NLGN4Y: variants seen among roughly 807,000 people sequenced by gnomAD.
NLGN4Y encodes the protein neuroligin-4, Y-linked.
NLGN4Y carries 4 observed loss-of-function variants against 8.4 expected under a neutral mutation model. The ratio of observed to expected loss-of-function variants is 0.48; its 90% CI spans 0.23 to 1.09. The LOEUF (loss-of-function observed/expected upper bound fraction) is 1.09, where lower values mean the gene tolerates loss of function less well. Ranked by LOEUF, NLGN4Y falls within the 50% of genes least tolerant of loss-of-function variation. The pLI is 0.19. For missense variants in NLGN4Y, 90 were observed against 192.3 expected (o/e 0.47, Z 3.15); for synonymous variants, 35 against 75.6 (o/e 0.46, Z 2.78).
At chrY:14,578,198 C>T in intron 1 of NLGN4Y, among the ~76,000 whole-genome samples, 2 of 31,551 alleles carry the variant, frequency 6.3e-5, no homozygotes, top group African/African-American at 2.5e-4. Flanking sequence ...ACATTCTGCC[C>T]ATGTACCCCA....
At chrY:14,697,205 G>A in intron 2 of NLGN4Y, among the ~76,000 whole-genome samples, 1 of 19,865 alleles carries the variant, frequency 5.0e-5, no homozygotes, top group Non-Finnish European at 1.2e-4. Flanking sequence ...AGGTAGGTAG[G>A]CAGATAGATA....
chrY:14,733,514 A>T, intron 4 of NLGN4Y: 1 of 349,637 alleles, frequency 2.9e-6, no homozygotes, highest in Non-Finnish European at 4.0e-6. Flanking sequence ...ATCTCCTTTC[A>T]CTAATTTAAT....
chrY:14,559,195 T>A, intron 1 of NLGN4Y, among the ~76,000 whole-genome samples: 1 of 33,384 alleles, frequency 3.0e-5, no homozygotes, highest in African/African-American at 1.2e-4. Flanking sequence ...CACATCAAGA[T>A]GAGCAAAAGA....
intron 1 of NLGN4Y, among the ~76,000 whole-genome samples, chrY:14,583,184 C>T: frequency 3.0e-5 from 1 of 33,256 alleles, no homozygotes; most frequent in African/African-American, 1.2e-4. Flanking sequence ...TGGAAATAGC[C>T]AAGAAACCCA....
intron 4 of NLGN4Y, among the ~76,000 whole-genome samples, chrY:14,800,326 C>A: frequency 3.0e-5 from 1 of 33,075 alleles, no homozygotes; most frequent in African/African-American, 1.2e-4. Context: ...TCTTTTTATG[C>A]TATCATTAAG....
chrY:14,812,476 A>G (rs2043084913), intron 4 of NLGN4Y, among the ~76,000 whole-genome samples: 1 of 33,264 alleles, frequency 3.0e-5, no homozygotes, highest in Non-Finnish European at 7.4e-5. Context: ...TTTTAGGGAG[A>G]GTAAAACTTA....
chrY:14,815,004 T>C (rs749194424), intron 4 of NLGN4Y, among the ~76,000 whole-genome samples: 2 of 32,713 alleles, frequency 6.1e-5, no homozygotes, highest in South Asian at 1.4e-3. Context: ...AATGTCAGTG[T>C]TGGGACTTAG....
intron 1 of NLGN4Y, among the ~76,000 whole-genome samples, chrY:14,575,672 TAG>T (rs2080295085): frequency 2.9e-5 from 1 of 33,927 alleles, no homozygotes; most frequent in Non-Finnish European, 7.3e-5. Context: ...CTCTGATTTT[TAG>T]AGTTTCCTGT....
chrY:14,806,016 CCTGTAGTGCCAGCTA>C (rs2043055443), intron 4 of NLGN4Y, among the ~76,000 whole-genome samples: 1 of 33,256 alleles, frequency 3.0e-5, no homozygotes, highest in African/African-American at 1.2e-4. Flanking sequence ...GTGGCAGGCG[CCTGTAGTGCCAGCTA>C]CTCAGGAGAC....
intron 2 of NLGN4Y, among the ~76,000 whole-genome samples, chrY:14,647,340 C>A: frequency 3.0e-5 from 1 of 33,404 alleles, no homozygotes; most frequent in Non-Finnish European, 7.4e-5. Context: ...AGATAGGAGA[C>A]CTTTGTCTCA....
At chrY:14,791,941 G>C (rs1040576879) in intron 4 of NLGN4Y, among the ~76,000 whole-genome samples, 5 of 33,352 alleles carry the variant, frequency 1.5e-4, no homozygotes, top group Non-Finnish European at 3.0e-4. Flanking sequence ...GGACACCACA[G>C]ACTTGAAGAA....
rs2150571393 is a variant in NLGN4Y at position 14,764,374 on chromosome Y, C to T, written c.685+41105C>T. Among the ~76,000 whole-genome samples, 3 of 33,443 alleles carry T rather than the reference C, an allele frequency of 9.0e-5. No individual in the cohort carries two copies. The South Asian group carries it at 2.0e-3, about 23-fold the overall frequency. The allele number at this position is 33,443 out of a possible 37,273, so 89.7% of individuals were successfully genotyped here. On this transcript the variant is annotated intron_variant, in intron 4 of 6. Transcript: ENST00000684976. ...CCTGAGCTCTCATTAGAATCACCTT[C>T]GACGTTCTACTCATGGCTTCATAGG... is the stretch of plus-strand genomic sequence containing the variant.
chrY:14,723,059 T>C, intron 3 of NLGN4Y, 58 bp from the exon 4 acceptor site: 1 of 334,125 alleles, frequency 3.0e-6, no homozygotes, highest in Non-Finnish European at 4.4e-6. Context: ...TAATTTAGCA[T>C]CAGTGAGTGA....
At chrY:14,614,427 G>A (rs977847896) in intron 1 of NLGN4Y, among the ~76,000 whole-genome samples, 1 of 32,833 alleles carries the variant, frequency 3.0e-5, no homozygotes, top group African/African-American at 1.2e-4. Context: ...CCATGCAGAA[G>A]CTCTTTAGTT....
intron 4 of NLGN4Y, among the ~76,000 whole-genome samples, chrY:14,785,763 CA>C: frequency 2.9e-4 from 1 of 3,390 alleles, no homozygotes; most frequent in African/African-American, 1.1e-3. Flanking sequence ...GACTCCGTCT[CA>C]AAAAAAAAAA....
chrY:14,835,508 AAGGAAGGAAGGG>A, intron 6 of NLGN4Y, among the ~76,000 whole-genome samples: 1 of 24,638 alleles, frequency 4.1e-5, no homozygotes, highest in Non-Finnish European at 9.7e-5. Context: ...AGGAAGGTGA[AAGGAAGGAAGGG>A]AGGAAGGAAG....
chrY:14,632,633 T>C, intron 2 of NLGN4Y, among the ~76,000 whole-genome samples: 1 of 33,829 alleles, frequency 3.0e-5, no homozygotes, highest in South Asian at 6.5e-4. Flanking sequence ...AACATCGACA[T>C]GCAACTAGGT....
At chrY:14,691,974 T>C in intron 2 of NLGN4Y, among the ~76,000 whole-genome samples, 2 of 32,832 alleles carry the variant, frequency 6.1e-5, no homozygotes, top group Non-Finnish European at 1.5e-4. Context: ...ATTTTTATTG[T>C]TGCTGACTTT....
intron 4 of NLGN4Y, among the ~76,000 whole-genome samples, chrY:14,725,016 C>T (rs2080951280): frequency 3.0e-5 from 1 of 33,224 alleles, no homozygotes; most frequent in Non-Finnish European, 7.4e-5. Context: ...TCTGAAGACC[C>T]TTAACTAATT....
Sources: allele counts gnomAD v4.1 joint callset (sites outside exome capture counted in the v4.1 genomes callset), GRCh38; gene constraint gnomAD v4.1.1; transcripts MANE v1.5; gene names NCBI Gene and HGNC (gene_info 2026-07-23, HGNC 2026-07-21).